The following KCNK1 variants were observed in gnomAD, a reference collection of about 807,000 sequenced individuals.
KCNK1 encodes potassium channel subfamily K member 1.
KCNK1 carries 10 observed loss-of-function variants against 22.2 expected under a neutral mutation model. The observed-to-expected ratio is 0.45, with a 90% CI of 0.28 to 0.76. KCNK1 has a LOEUF of 0.76. KCNK1 is among the 30% of genes least tolerant of loss of function. The pLI, the probability that KCNK1 is intolerant of heterozygous loss-of-function variation, is 0.14. For synonymous variants in KCNK1, 200 were observed against 186.4 expected, an observed-to-expected ratio of 1.07 and a Z score of -0.60; for missense variants, 378 against 421.0, an observed-to-expected ratio of 0.90 and a Z score of 0.89.
At chr1:233,619,279 C>A (rs1351052276) in intron 1 of KCNK1, among the ~76,000 whole-genome samples, 2 of 152,128 alleles carry the variant, frequency 1.3e-5, no homozygotes, top group Admixed American at 6.5e-5. Flanking sequence ...ACCTCAGCCT[C>A]TCAAAGTGCT....
chr1:233,655,003 C>A (rs1489300085), intron 1 of KCNK1, among the ~76,000 whole-genome samples: 3 of 152,220 alleles, frequency 2.0e-5, no homozygotes, highest in Admixed American at 1.3e-4. Context: ...ACCCCAGCAG[C>A]CCCAGACCTG....
At chr1:233,647,029 T>C (rs1202906388) in intron 1 of KCNK1, among the ~76,000 whole-genome samples, 1 of 152,174 alleles carries the variant, frequency 6.6e-6, no homozygotes, top group East Asian at 1.9e-4. Context: ...CTATTTCCCC[T>C]TAAAATCTGG....
At chr1:233,619,947 G>T (rs969290666) in intron 1 of KCNK1, among the ~76,000 whole-genome samples, 1 of 142,430 alleles carries the variant, frequency 7.0e-6, no homozygotes, top group South Asian at 2.6e-4. Context: ...GGGCAGGGGG[G>T]TGAAGAGTAG....
intron 1 of KCNK1, among the ~76,000 whole-genome samples, chr1:233,625,558 TTGGG>T (rs1657674757): frequency 6.6e-6 from 1 of 152,010 alleles, no homozygotes; most frequent in Admixed American, 6.6e-5. Context: ...GACCTTGATT[TTGGG>T]TTATCATTTT....
intron 1 of KCNK1, among the ~76,000 whole-genome samples, chr1:233,616,841 T>A (rs1393350421): frequency 6.6e-6 from 1 of 152,252 alleles, no homozygotes; most frequent in Non-Finnish European, 1.5e-5. Context: ...AGAAATCTTT[T>A]CTTCCCTACA....
At chr1:233,622,594 C>G (rs537559511) in intron 1 of KCNK1, among the ~76,000 whole-genome samples, 92 of 152,280 alleles carry the variant, frequency 6.0e-4, no homozygotes, top group African/African-American at 2.1e-3. Flanking sequence ...GTGGCCCACT[C>G]TCTGTCAGCA....
intron 1 of KCNK1, among the ~76,000 whole-genome samples, chr1:233,632,759 T>C (rs556957598): frequency 1.3e-5 from 2 of 152,294 alleles, no homozygotes; most frequent in South Asian, 4.2e-4. Context: ...TTGGGCCTCT[T>C]TTCAGAAGGA....
At chr1:233,659,200 A>C (rs1306821988) in intron 1 of KCNK1, among the ~76,000 whole-genome samples, 1 of 149,644 alleles carries the variant, frequency 6.7e-6, no homozygotes, top group Non-Finnish European at 1.5e-5. Flanking sequence ...GTTTTTTTTT[A>C]CTTTTTAGAT....
intron 1 of KCNK1, among the ~76,000 whole-genome samples, chr1:233,654,804 C>T (rs1039874452): frequency 2.0e-5 from 3 of 152,138 alleles, no homozygotes; most frequent in Non-Finnish European, 2.9e-5. Context: ...ACCAAGGGTG[C>T]GGCCAAATGA....
intron 1 of KCNK1, among the ~76,000 whole-genome samples, chr1:233,658,819 G>A (rs1031821757): frequency 6.6e-6 from 1 of 152,106 alleles, no homozygotes; most frequent in Non-Finnish European, 1.5e-5. Context: ...TTTTTAAAAT[G>A]GGACACCTGT....
intron 1 of KCNK1, among the ~76,000 whole-genome samples, chr1:233,659,727 T>G (rs60964371): frequency 6.2e-4 from 94 of 152,234 alleles, no homozygotes; most frequent in African/African-American, 2.2e-3. Context: ...TTTTCAGGTC[T>G]GGTATAGTCT....
intron 1 of KCNK1, chr1:233,660,716 C>T (rs1658375145): frequency 6.6e-6 from 1 of 152,220 alleles, no homozygotes; most frequent in African/African-American, 2.4e-5. Context: ...TTTGCGCTCT[C>T]CTGTCCTCTC....
intron 1 of KCNK1, among the ~76,000 whole-genome samples, chr1:233,663,495 CT>C (rs1056314470): frequency 2.0e-4 from 30 of 151,984 alleles, no homozygotes; most frequent in South Asian, 6.2e-4. Context: ...AGTTTGTTTA[CT>C]TTTTTTTCTC....
At chr1:233,647,272 C>T (rs1481877938) in intron 1 of KCNK1, among the ~76,000 whole-genome samples, 1 of 152,154 alleles carries the variant, frequency 6.6e-6, no homozygotes, top group African/African-American at 2.4e-5. Flanking sequence ...AGCCATTCAT[C>T]TTGAGGGAGG....
At chr1:233,633,955 G>A (rs1262648178) in intron 1 of KCNK1, among the ~76,000 whole-genome samples, 1 of 152,132 alleles carries the variant, frequency 6.6e-6, no homozygotes, top group East Asian at 1.9e-4. Flanking sequence ...GAAGACATGT[G>A]CTTGGCAATG....
chr1:233,657,185 G>A (rs1658313199), intron 1 of KCNK1, among the ~76,000 whole-genome samples: 2 of 152,036 alleles, frequency 1.3e-5, no homozygotes, highest in Non-Finnish European at 1.5e-5. Context: ...GGTGAGAGGG[G>A]GACAAATCCA....
chr1:233,634,723 A>G (rs1339236113), intron 1 of KCNK1, among the ~76,000 whole-genome samples: 1 of 152,206 alleles, frequency 6.6e-6, no homozygotes, highest in Admixed American at 6.5e-5. Flanking sequence ...TCACTAGGGA[A>G]ACTTCTGTTG....
intron 1 of KCNK1, among the ~76,000 whole-genome samples, chr1:233,655,247 G>A (rs1041383948): frequency 2.0e-5 from 3 of 152,138 alleles, no homozygotes; most frequent in Non-Finnish European, 4.4e-5. Context: ...AAATGGAAAT[G>A]TCTATTCTAT....
chr1:233,654,722 G>C (rs1473832766), intron 1 of KCNK1, among the ~76,000 whole-genome samples: 1 of 152,160 alleles, frequency 6.6e-6, no homozygotes, highest in African/African-American at 2.4e-5. Context: ...AGACTTGTCT[G>C]AGTAACATAG....
Sources: allele counts gnomAD v4.1 joint callset (sites outside exome capture counted in the v4.1 genomes callset), GRCh38; gene constraint gnomAD v4.1.1; transcripts MANE v1.5; gene names NCBI Gene and HGNC (gene_info 2026-07-23, HGNC 2026-07-21).